The following FOXF2 variants were observed in gnomAD, a reference collection of about 807,000 sequenced individuals.
The protein encoded by FOXF2 is forkhead box F2.
FOXF2 carries 15 observed loss-of-function variants against 29.1 expected under a neutral mutation model. That is an observed-to-expected ratio of 0.52 (90% confidence interval 0.35 to 0.79). The LOEUF is 0.79. Ranked by LOEUF, FOXF2 falls within the 30% of genes least tolerant of loss-of-function variation. The pLI, the probability that FOXF2 is intolerant of heterozygous loss-of-function variation, is 0.01. For synonymous variants in FOXF2, 337 were observed against 316.5 expected, an observed-to-expected ratio of 1.06 and a Z score of -0.69; for missense variants, 675 against 667.1, an observed-to-expected ratio of 1.01 and a Z score of -0.13.
chr6:1,391,400 C>T lies in FOXF2; in HGVS notation c.1171+282C>T, dbSNP rs143898810. Among the ~76,000 whole-genome samples the T allele has an allele frequency of 1.2e-4, 19 of 152,348 alleles. No homozygotes were observed. In the East Asian group the frequency reaches 3.7e-3, roughly 29 times the overall value. On this transcript the variant is annotated intron_variant, in intron 1 of 1. Coordinates refer to ENST00000645481, the MANE Select transcript of FOXF2 (RefSeq NM_001452.2). ...TGCCTTCCTGGGCTCTTTGGGGATC[C>T]CTGTGCAGGAGACTGCAGGTCTCCC...
At position 1,390,887 on chromosome 6, in the gene FOXF2, A is replaced by G; in HGVS notation, c.940A>G (p.Ser314Gly). ...CGGCGACTACGGGCCGGACAGCAGC[A>G]GCAGCCCGGTACCCTCGTCCCCGGC... ...GGGDYGPDSSSSPVPSSPAMA... is the reference protein window; with the variant it reads ...GGGDYGPDSSGSPVPSSPAMA... The change falls in exon 1 of 2, where the codon AGC becomes GGC. Residue 314 changes from serine (S) to glycine (G), a missense_variant. Transcript: ENST00000645481. This position sits in a 1 kb window ranked among gnomAD's most constrained non-coding sequence, Gnocchi z 8.5. The G allele has an allele frequency of 1.3e-6, 2 of 1,533,710 alleles. No homozygotes were observed. Among genetic ancestry groups the G allele is most frequent in the Non-Finnish European group, 1.7e-6 (2 of 1,145,270 alleles).
Position 1,394,728 on chromosome 6 carries a change from C to G in FOXF2, c.1204C>G (p.Pro402Ala), listed in dbSNP as rs766623330. 6.2e-7 allele frequency: 1 copy of G among 1,614,014 alleles called. No individual in the cohort carries two copies. The highest frequency in any genetic ancestry group is 2.2e-5 in the East Asian group (1 of 44,892). ...GCCCCGTTACCAGCATCACTCTACT[C>G]CAGTGTGTGACAGAAAAGATTTCGT... ...GLPRYQHHST[P>A]VCDRKDFVLN... is the part of the protein sequence containing the mutation. Residue 402 changes from proline (P) to alanine (A), a missense_variant, in exon 2 of 2, where the codon CCA becomes GCA. Pro to Ala is a conservative substitution (Grantham distance 27). Around this residue, in one of 3 missense-constraint regions of FOXF2, gnomAD observed 451 missense variants for 437.2 expected, o/e 1.03. Transcript: ENST00000645481.
intron 1 of FOXF2, among the ~76,000 whole-genome samples, chr6:1,391,652 T>G (rs1279077616): frequency 6.6e-6 from 1 of 152,142 alleles, no homozygotes; most frequent in East Asian, 1.9e-4. Context: ...GGGACAGAGC[T>G]GGATCCCAGG....
rs1056970570 is a variant in FOXF2 at position 1,390,823 on chromosome 6, G to A, written c.876G>A (p.Ala292=). ...STYMASCPVP[A]GPGGVGAAGG... ...ACATGGCCAGCTGCCCGGTGCCCGC[G>A]GGACCCGGGGGCGTCGGTGCGGCCG... The change falls in exon 1 of 2, where the codon GCG becomes GCA. Residue 292 remains alanine, a synonymous_variant. Transcript: ENST00000645481. The surrounding 1 kb of genome is among the most constrained non-coding windows in gnomAD (Gnocchi z 8.5). 43 of 1,387,806 alleles carry A rather than the reference G, an allele frequency of 3.1e-5. No individual in the cohort carries two copies. The highest frequency in any genetic ancestry group is 3.9e-5 in the Non-Finnish European group (42 of 1,083,758). The allele number at this position is 1,387,806 out of a possible 1,614,324, so 86.0% of individuals were successfully genotyped here.
intron 1 of FOXF2, among the ~76,000 whole-genome samples, chr6:1,391,735 TCC>T (rs143100902): frequency 2.1e-5 from 3 of 145,884 alleles, no homozygotes; most frequent in Non-Finnish European, 4.5e-5. Context: ...CTTCCCTGCC[TCC>T]CCCCCCGCCC....
Position 1,390,227 on chromosome 6 carries a change from G to C in FOXF2, c.280G>C (p.Gly94Arg). 1 of 1,595,338 alleles carries C rather than the reference G, an allele frequency of 6.3e-7. No homozygotes were observed. The highest frequency in any genetic ancestry group is 8.5e-7 in the Non-Finnish European group (1 of 1,173,676). ...CGGGGGCGCCAAGAAGGCGAGCTCG[G>C]GGCTGCGGCGGCCCGAGAAGCCGCC... ...GSGGAKKASS[G>R]LRRPEKPPYS... Residue 94 changes from glycine to arginine, a missense_variant, in exon 1 of 2, where the codon GGG becomes CGG. Gly to Arg is a moderately radical substitution (Grantham distance 125, BLOSUM62 -2). Coordinates refer to ENST00000645481, the MANE Select transcript of FOXF2 (RefSeq NM_001452.2). The surrounding 1 kb of genome is among the most constrained non-coding windows in gnomAD (Gnocchi z 8.5).
intron 1 of FOXF2, among the ~76,000 whole-genome samples, chr6:1,391,437 C>A (rs562458178): frequency 6.6e-6 from 1 of 152,252 alleles, no homozygotes; most frequent in Non-Finnish European, 1.5e-5. Flanking sequence ...TTCAGAGTCT[C>A]ACTTAGCTTG....
chr6:1,392,209 T>C lies in FOXF2; in HGVS notation c.1171+1091T>C, dbSNP rs1758803209. ...GGAAAGCCCAGAAATGGGCAAAAGA[T>C]GTTGGTTCCCTGGACGGTGAAATTT... On this transcript the variant is annotated intron_variant, in intron 1 of 1. Transcript: ENST00000645481. Among the ~76,000 whole-genome samples, 6 of 152,260 alleles carry C rather than the reference T, an allele frequency of 3.9e-5. No homozygotes were observed. In the South Asian group the frequency reaches 1.2e-3, roughly 32 times the overall value.
intron 1 of FOXF2, among the ~76,000 whole-genome samples, chr6:1,391,914 G>T (rs918202491): frequency 3.0e-4 from 46 of 152,356 alleles, no homozygotes; most frequent in African/African-American, 9.9e-4. Flanking sequence ...GCTGAAGGCG[G>T]TGAAAGGTGG....
intron 1 of FOXF2, among the ~76,000 whole-genome samples, 177 bp from the exon 2 acceptor site, chr6:1,394,519 A>G (rs1051421149): frequency 2.6e-5 from 4 of 152,166 alleles, no homozygotes; most frequent in African/African-American, 7.2e-5. Context: ...AAGCAATTCT[A>G]TGACGTGCAG....
rs1758738982 is a variant in FOXF2, at chr6:1,389,977, C to T, written c.30C>T (p.Ala10=). The T allele has an allele frequency of 6.9e-6, 7 of 1,009,826 alleles. No individual in the cohort carries two copies. The highest frequency in any genetic ancestry group is 4.7e-6 in the Non-Finnish European group (4 of 847,578). The allele number at this position is 1,009,826 out of a possible 1,614,324, so 62.6% of individuals were successfully genotyped here. Residue 10 remains alanine (A), a synonymous_variant, in exon 1 of 2, where the codon GCC becomes GCT. Coordinates refer to ENST00000645481, the MANE Select transcript of FOXF2 (RefSeq NM_001452.2). The part of the protein sequence containing the change: MTTEGGPPP[A]PLRRACSPVP... ...CCACCGAGGGCGGGCCGCCGCCGGCCCCGCTCCGCCGCGCGTGCAGCCCGG... is the reference window on the plus strand; with the variant it reads ...CCACCGAGGGCGGGCCGCCGCCGGCTCCGCTCCGCCGCGCGTGCAGCCCGG...
chr6:1,390,135 C>T lies in FOXF2; in HGVS notation c.188C>T (p.Ser63Phe), dbSNP rs1475697083. 1.7e-5 allele frequency: 25 copies of T among 1,452,868 alleles called. No homozygotes were observed. The highest frequency in any genetic ancestry group is 1.7e-4 in the East Asian group (6 of 35,344). The allele number at this position is 1,452,868 out of a possible 1,614,324, so 90.0% of individuals were successfully genotyped here. A position where few individuals can be genotyped will look rare whatever the true frequency, so the allele number is the denominator to read the frequency against. The change falls in exon 1 of 2, where the codon TCC becomes TTC. Residue 63 changes from serine to phenylalanine, a missense_variant. Ser to Phe is a radical substitution (Grantham distance 155). Coordinates refer to ENST00000645481, the MANE Select transcript of FOXF2 (RefSeq NM_001452.2). The surrounding 1 kb of genome is among the most constrained non-coding windows in gnomAD (Gnocchi z 8.5). ...TCCTGCGCCTCGTCCTCGTCCTCCT[C>T]CAATTCGGCCAGCGCCCCCTCGGCT... ...SASCASSSSS[S>F]NSASAPSAAC... is the part of the protein sequence containing the mutation.
At position 1,390,030 on chromosome 6, in the gene FOXF2, T is replaced by A; in HGVS notation, c.83T>A (p.Met28Lys). ...CCCGGCGCGCTCCAGGCCGCCCTGA[T>A]GAGCCCGCCGCCCGCCGCCGCCGCC... is the stretch of plus-strand genomic sequence containing the variant. ...PVPGALQAAL[M>K]SPPPAAAAAA... Residue 28 changes from methionine (M) to lysine (K), a missense_variant, in exon 1 of 2, where the codon ATG (methionine) becomes AAG (lysine). By Grantham distance (95) the Met-to-Lys change is moderately conservative. This residue lies in a region of FOXF2 where 220 missense variants were observed against 205.5 expected (regional missense o/e 1.07). Transcript: ENST00000645481. This position sits in a 1 kb window ranked among gnomAD's most constrained non-coding sequence, Gnocchi z 8.5. 7.5e-7 allele frequency: 1 copy of A among 1,332,420 alleles called. No homozygotes were observed. Among genetic ancestry groups the A allele is most frequent in the East Asian group, 3.8e-5 (1 of 26,510 alleles). 82.5% of individuals were successfully genotyped at this position (1,332,420 alleles called of 1,614,324 possible). A position where few individuals can be genotyped will look rare whatever the true frequency, so the allele number is the denominator to read the frequency against.
At chr6:1,391,252 G>C in intron 1 of FOXF2, 134 bp downstream of exon 1, 1 of 1,461,462 alleles carries the variant, frequency 6.8e-7, no homozygotes, top group South Asian at 1.2e-5. Flanking sequence ...AGCAGATGCT[G>C]GGGAAAGCCG....
chr6:1,392,829 C>T (rs1295042123), intron 1 of FOXF2, among the ~76,000 whole-genome samples: 1 of 152,242 alleles, frequency 6.6e-6, no homozygotes, highest in African/African-American at 2.4e-5. Context: ...CTCCCGCGGC[C>T]GGCCTTCCCT....
intron 1 of FOXF2, among the ~76,000 whole-genome samples, chr6:1,393,425 C>T (rs898684673): frequency 6.6e-6 from 1 of 151,972 alleles, no homozygotes; most frequent in South Asian, 2.1e-4. Context: ...GACTTGCCAT[C>T]AGAACTTGCT....
chr6:1,389,991 C>A lies in FOXF2; in HGVS notation c.44C>A (p.Ala15Glu). Residue 15 changes from alanine (A) to glutamate (E), a missense_variant, in exon 1 of 2, where the codon GCG becomes GAG. Physicochemically the swap from Ala to Glu is moderately radical, Grantham distance 107. This residue lies in a region of FOXF2 where 220 missense variants were observed against 205.5 expected (regional missense o/e 1.07). Coordinates refer to ENST00000645481, the MANE Select transcript of FOXF2 (RefSeq NM_001452.2). ...GGPPPAPLRRACSPVPGALQA... is the reference protein window; with the variant it reads ...GGPPPAPLRRECSPVPGALQA... ...CCGCCGCCGGCCCCGCTCCGCCGCG[C>A]GTGCAGCCCGGTCCCCGGCGCGCTC... 9.7e-7 allele frequency: 1 copy of A among 1,035,450 alleles called. No individual in the cohort carries two copies. The highest frequency in any genetic ancestry group is 1.2e-6 in the Non-Finnish European group (1 of 865,992). The allele number at this position is 1,035,450 out of a possible 1,614,324, so 64.1% of individuals were successfully genotyped here.
Position 1,394,961 on chromosome 6 carries a change from A to G in FOXF2, c.*102A>G, listed in dbSNP as rs1758874703. ...AAGTCACATGCACGCGGATAGCAGT[A>G]AGCCACACACCTGCCACTTAGCCAG... On this transcript the variant is annotated 3_prime_UTR_variant, in exon 2 of 2. Transcript: ENST00000645481. 8.4e-7 allele frequency: 1 copy of G among 1,188,784 alleles called. No individual in the cohort carries two copies. Among genetic ancestry groups the G allele is most frequent in the Admixed American group, 1.7e-5 (1 of 57,804 alleles). 73.6% of individuals were successfully genotyped at this position (1,188,784 alleles called of 1,614,324 possible). A position where few individuals can be genotyped will look rare whatever the true frequency, so the allele number is the denominator to read the frequency against.
rs1229791635 is a variant in FOXF2 at position 1,390,415 on chromosome 6, G to C, written c.468G>C (p.Glu156Asp). 6.2e-7 allele frequency: 1 copy of C among 1,611,992 alleles called. No individual in the cohort carries two copies. The highest frequency in any genetic ancestry group is 8.5e-7 in the Non-Finnish European group (1 of 1,179,944). ...TGCGCCACAATCTCTCGCTCAACGA[G>C]TGCTTCATCAAGCTGCCTAAGGGCC... ...NSVRHNLSLN[E>D]CFIKLPKGLG... The change falls in exon 1 of 2, where the codon GAG (glutamate) becomes GAC (aspartate). Residue 156 changes from glutamate to aspartate, a missense_variant. Glu to Asp is a conservative substitution (Grantham distance 45). This residue lies in a region of FOXF2 where 451 missense variants were observed against 437.2 expected (regional missense o/e 1.03). Transcript: ENST00000645481. This position sits in a 1 kb window ranked among gnomAD's most constrained non-coding sequence, Gnocchi z 8.5.
Sources: gnomAD v4.1 joint callset for allele counts (sites outside exome capture counted in the v4.1 genomes callset) on GRCh38, gnomAD v4.1.1 for gene constraint, gnomAD v4.1.1 regional missense constraint, Gnocchi (gnomAD v3.1) non-coding constraint, MANE v1.5 for transcripts, NCBI Gene and HGNC (gene_info 2026-07-23, HGNC 2026-07-21) for gene names.